ANXA4: variants seen among roughly 807,000 people sequenced by gnomAD.
ANXA4 encodes the protein annexin A4.
Under a neutral mutation model 49.8 loss-of-function variants are expected in ANXA4, and 39 were observed. That is an observed-to-expected ratio of 0.78 (90% confidence interval 0.61 to 1.02). ANXA4 has a LOEUF of 1.02. ANXA4 is among the 50% of genes least tolerant of loss of function. ANXA4 has a pLI of 0.00. For synonymous variants in ANXA4, 134 were observed against 152.5 expected (o/e 0.88, Z 0.89); for missense variants, 360 against 410.1 (o/e 0.88, Z 1.05).
intron 2 of ANXA4, among the ~76,000 whole-genome samples, chr2:69,667,428 C>G (rs1000902499): frequency 6.6e-6 from 1 of 151,200 alleles, no homozygotes; most frequent in Non-Finnish European, 1.5e-5. Flanking sequence ...ACACTCAAAC[C>G]TTGTTATGAC....
chr2:69,807,568 G>T (rs1215691279), intron 5 of ANXA4, among the ~76,000 whole-genome samples: 1 of 152,160 alleles, frequency 6.6e-6, no homozygotes, highest in Non-Finnish European at 1.5e-5. Context: ...GGAAAGCAAA[G>T]AGGTGACAAA....
chr2:69,711,340 A>G (rs138380402), intron 2 of ANXA4, among the ~76,000 whole-genome samples: 3 of 152,358 alleles, frequency 2.0e-5, no homozygotes, highest in South Asian at 4.1e-4. Flanking sequence ...TGATGTGTCT[A>G]TTTAATGCAA....
chr2:69,653,217 G>A (rs557320567), exon 2 of ANXA4: 5 of 152,306 alleles, frequency 3.3e-5, no homozygotes, highest in African/African-American at 7.2e-5. Flanking sequence ...CTAAAACCAC[G>A]CTACCGAAAG....
chr2:69,808,276 A>C, intron 6 of ANXA4: 1 of 341,254 alleles, frequency 2.9e-6, no homozygotes, highest in Non-Finnish European at 5.6e-6. Context: ...TCAGACAAAG[A>C]ATCTAAGGTA....
rs1678792779 is a variant in ANXA4 at position 69,714,218 on chromosome 2, CG to C, written n.767-6550del. Reference sequence around the variant, plus strand: ...TCCCACCTCCAGTGGCTGGGTGGGCCGGGGGGTGGGGTAAGGGTGGAGATGT... The same window carrying C: ...TCCCACCTCCAGTGGCTGGGTGGGCCGGGGGTGGGGTAAGGGTGGAGATGT... On this transcript the variant is annotated intron_variant and non_coding_transcript_variant, in intron 2 of 3. Coordinates refer to the ANXA4 transcript ENST00000418066. 2.7e-5 allele frequency among the ~76,000 whole-genome samples: 4 copies of C among 150,424 alleles called. No homozygotes were observed. In the South Asian group the frequency reaches 8.7e-4, roughly 33 times the overall value.
intron 6 of ANXA4, 59 bp from the exon 7 acceptor site, chr2:69,810,535 T>C (rs1673651535): frequency 7.1e-7 from 1 of 1,414,564 alleles, no homozygotes; most frequent in Non-Finnish European, 1.0e-6. Flanking sequence ...CTCTGGAGTG[T>C]GACAGGGCAT....
chr2:69,699,657 AAAC>A (rs1245275775), intron 2 of ANXA4, among the ~76,000 whole-genome samples: 2 of 152,146 alleles, frequency 1.3e-5, no homozygotes, highest in Non-Finnish European at 2.9e-5. Flanking sequence ...ACAAAACAAA[AAAC>A]AAGAAACAAA....
At chr2:69,651,023 G>T (rs758804241) in intron 1 of ANXA4, among the ~76,000 whole-genome samples, 17 of 152,206 alleles carry the variant, frequency 1.1e-4, no homozygotes, top group African/African-American at 3.9e-4. Context: ...TTCCTTCACA[G>T]AGTTTATAAT....
intron 1 of ANXA4, among the ~76,000 whole-genome samples, chr2:69,754,831 C>G (rs896537178): frequency 1.1e-4 from 17 of 152,208 alleles, no homozygotes; most frequent in African/African-American, 3.9e-4. Context: ...GCCTTCCCCT[C>G]TGGCTGTGTT....
intron 3 of ANXA4, among the ~76,000 whole-genome samples, chr2:69,722,910 T>C (rs1029599837): frequency 6.7e-6 from 1 of 149,854 alleles, no homozygotes; most frequent in Non-Finnish European, 1.5e-5. Context: ...TGGTGGCTCA[T>C]GCCTGTAATC....
upstream of ANXA4, chr2:69,643,955 G>A: frequency 9.5e-7 from 1 of 1,049,214 alleles, no homozygotes; most frequent in Non-Finnish European, 1.2e-6. Context: ...GGAAAAGACT[G>A]TTGATATCAC....
intron 3 of ANXA4, among the ~76,000 whole-genome samples, chr2:69,793,888 G>T (rs965022307): frequency 2.0e-5 from 3 of 150,792 alleles, no homozygotes; most frequent in African/African-American, 7.3e-5. Flanking sequence ...GATTTATGAA[G>T]ATTTATTTAA....
rs1047174699 is a variant in ANXA4, at chr2:69,812,698, C to T, written c.523C>T (p.Gln175Ter). Reference protein sequence around the residue: ...GNYLDDALVRQDAQDLYEAGE... With the variant: ...GNYLDDALVR ...TTATCTGGACGATGCTCTCGTGAGACAGGATGCCCAGGTTGGTAGAACTGC... is the reference window on the plus strand; with the variant it reads ...TTATCTGGACGATGCTCTCGTGAGATAGGATGCCCAGGTTGGTAGAACTGC... Residue 175 changes from glutamine (Q) to a stop codon, truncating the protein, a stop_gained, in exon 8 of 13, where the codon CAG (glutamine) becomes TAG (stop). Transcript: ENST00000394295. LOFTEE classifies it high-confidence loss of function. 6 of 1,614,096 alleles carry T rather than the reference C, an allele frequency of 3.7e-6. No homozygotes were observed. In the Middle Eastern group the frequency reaches 9.9e-4, roughly 266 times the overall value.
intron 2 of ANXA4, among the ~76,000 whole-genome samples, chr2:69,660,957 T>A (rs1226700969): frequency 6.6e-6 from 1 of 152,044 alleles, no homozygotes; most frequent in Non-Finnish European, 1.5e-5. Flanking sequence ...GCATAAGTCC[T>A]AAAAGCATAG....
chr2:69,791,136 G>A (rs1672674700), intron 3 of ANXA4, among the ~76,000 whole-genome samples: 1 of 152,158 alleles, frequency 6.6e-6, no homozygotes, highest in African/African-American at 2.4e-5. Context: ...CTGTGAGTTG[G>A]ATAAATTTTT....
intron 12 of ANXA4, among the ~76,000 whole-genome samples, chr2:69,823,839 T>C (rs548527867): frequency 2.1e-4 from 32 of 152,302 alleles, no homozygotes; most frequent in African/African-American, 7.2e-4. Flanking sequence ...TATATTAAGA[T>C]TGAGCTTAAC....
At chr2:69,679,348 A>G (rs1677518335) in intron 2 of ANXA4, among the ~76,000 whole-genome samples, 1 of 152,028 alleles carries the variant, frequency 6.6e-6, no homozygotes, top group African/African-American at 2.4e-5. Context: ...TCCTTTGCCC[A>G]CTTTTCAGTG....
intron 3 of ANXA4, among the ~76,000 whole-genome samples, chr2:69,791,509 A>G (rs532142259): frequency 2.0e-5 from 3 of 152,344 alleles, no homozygotes; most frequent in East Asian, 3.9e-4. Flanking sequence ...AACTTTGCCT[A>G]TAGTAGTACA....
chr2:69,688,206 A>T (rs993989852), intron 2 of ANXA4, among the ~76,000 whole-genome samples: 5 of 152,150 alleles, frequency 3.3e-5, no homozygotes, highest in African/African-American at 1.2e-4. Flanking sequence ...CCCAGTCTGA[A>T]TTTTTAAAAA....
Sources: allele counts gnomAD v4.1 joint callset (sites outside exome capture counted in the v4.1 genomes callset), GRCh38; gene constraint gnomAD v4.1.1; transcripts MANE v1.5; gene names NCBI Gene and HGNC (gene_info 2026-07-23, HGNC 2026-07-21).